YTHDC2: variants seen among roughly 807,000 people sequenced by gnomAD.
The protein encoded by YTHDC2 is YTH N6-methyladenosine RNA binding protein C2, also known as 3'-5' RNA helicase YTHDC2.
A neutral mutation model predicts 174.9 loss-of-function variants in YTHDC2; 45 were observed. The observed-to-expected ratio is 0.26, with a 90% CI of 0.20 to 0.33. YTHDC2 has a LOEUF of 0.33. Ranked by LOEUF, YTHDC2 falls within the 10% of genes least tolerant of loss-of-function variation. The probability of loss-of-function intolerance (pLI) is 1.00; values close to 1 mark genes in which losing one functional copy is unlikely to be tolerated. For missense variants in YTHDC2, 1,650 were observed against 1,723.7 expected (o/e 0.96, Z 0.76); for synonymous variants, 657 against 574.5 (o/e 1.14, Z -2.05).
rs1464814405 is a variant in YTHDC2, at chr5:113,578,843, C to T, written c.3245-743C>T. Among the ~76,000 whole-genome samples the T allele has an allele frequency of 2.0e-5, 3 of 151,980 alleles. No homozygotes were observed. In the East Asian group the frequency reaches 5.8e-4, roughly 29 times the overall value. ...TAAATATATTTGTGTTCTTCTAGTT[C>T]CTCTACTTTCAGTTTTAGTAATTTT... On this transcript the variant is annotated intron_variant, in intron 23 of 29. Transcript: ENST00000161863.
intron 21 of YTHDC2, 113 bp from the exon 22 acceptor site, chr5:113,566,979 T>C: frequency 2.6e-6 from 3 of 1,165,004 alleles, no homozygotes; most frequent in Non-Finnish European, 3.6e-6. Flanking sequence ...CTATTAATTA[T>C]CGTGAAATTT....
At chr5:113,571,824 C>T (rs1475888896) in intron 23 of YTHDC2, among the ~76,000 whole-genome samples, 3 of 152,076 alleles carry the variant, frequency 2.0e-5, no homozygotes, top group African/African-American at 4.8e-5. Context: ...GGTGAGATCC[C>T]TTGTATCATT....
At chr5:113,592,272 AT>A in intron 28 of YTHDC2, 94 bp downstream of exon 28, 1 of 1,267,324 alleles carries the variant, frequency 7.9e-7, no homozygotes, top group Non-Finnish European at 1.1e-6. Context: ...AAGAGTACAA[AT>A]TTTATATTCC....
At chr5:113,550,326 T>G (rs971516251) in intron 12 of YTHDC2, among the ~76,000 whole-genome samples, 1 of 151,756 alleles carries the variant, frequency 6.6e-6, no homozygotes. Context: ...GCTTTATGAA[T>G]CTGTTAGATA....
intron 23 of YTHDC2, among the ~76,000 whole-genome samples, chr5:113,569,043 T>A (rs4588592): frequency 0.31 from 46,463 of 151,934 alleles, 9,331 homozygotes; most frequent in African/African-American, 0.56. Context: ...TTTTTGACTT[T>A]TTAATAATAG....
chr5:113,588,645 CAG>C (rs1397840650), intron 26 of YTHDC2, among the ~76,000 whole-genome samples: 3 of 150,430 alleles, frequency 2.0e-5, no homozygotes, highest in African/African-American at 7.4e-5. Context: ...TTTTTTGAGA[CAG>C]AGTCTCACTC....
intron 23 of YTHDC2, among the ~76,000 whole-genome samples, chr5:113,578,082 T>G (rs1207432152): frequency 6.6e-6 from 1 of 152,184 alleles, no homozygotes; most frequent in Admixed American, 6.5e-5. Flanking sequence ...CTTACTGAAT[T>G]TTAAAGGTTC....
chr5:113,584,294 T>C lies in YTHDC2; in HGVS notation c.3648-8T>C. 1 of 1,602,128 alleles carries C rather than the reference T, an allele frequency of 6.2e-7. No individual in the cohort carries two copies. The highest frequency in any genetic ancestry group is 8.5e-7 in the Non-Finnish European group (1 of 1,174,380). On this transcript the variant is annotated splice_polypyrimidine_tract_variant and splice_region_variant and intron_variant, in intron 25 of 29. Coordinates refer to ENST00000161863, the MANE Select transcript of YTHDC2 (RefSeq NM_022828.5). ...TAACTGATCTTTGCTTCCTCCTTCT[T>C]GCTCAAGAGTACTGATGAAATCTCC...
chr5:113,585,826 G>C (rs1451812797), intron 26 of YTHDC2, among the ~76,000 whole-genome samples: 1 of 151,702 alleles, frequency 6.6e-6, no homozygotes, highest in Non-Finnish European at 1.5e-5. Flanking sequence ...TATATTATTA[G>C]TTTATCTAAT....
intron 12 of YTHDC2, among the ~76,000 whole-genome samples, chr5:113,550,766 T>C (rs1281133115): frequency 3.3e-5 from 5 of 152,158 alleles, no homozygotes; most frequent in African/African-American, 9.6e-5. Flanking sequence ...TATGTATATG[T>C]ATTGCTTTGA....
At chr5:113,518,048 C>A (rs1293550408) in intron 2 of YTHDC2, among the ~76,000 whole-genome samples, 3 of 151,926 alleles carry the variant, frequency 2.0e-5, no homozygotes, top group Non-Finnish European at 4.4e-5. Context: ...ACCACCACGC[C>A]CGGCTAATTT....
At chr5:113,546,403 A>G (rs1412465094) in intron 10 of YTHDC2, among the ~76,000 whole-genome samples, 1 of 152,196 alleles carries the variant, frequency 6.6e-6, no homozygotes, top group Non-Finnish European at 1.5e-5. Flanking sequence ...TGTGAGGAAA[A>G]CTAAAATGTT....
intron 23 of YTHDC2, among the ~76,000 whole-genome samples, chr5:113,571,318 G>A (rs973150125): frequency 3.9e-5 from 6 of 152,194 alleles, no homozygotes; most frequent in African/African-American, 1.4e-4. Context: ...TTGCATCCCA[G>A]GGATGAAGCC....
intron 6 of YTHDC2, 127 bp from the exon 7 acceptor site, chr5:113,535,515 G>T: frequency 1.2e-6 from 1 of 834,226 alleles, no homozygotes; most frequent in Non-Finnish European, 1.7e-6. Context: ...AAATTTTCAT[G>T]AATATTGATT....
At chr5:113,580,802 T>G (rs1448118191) in intron 24 of YTHDC2, among the ~76,000 whole-genome samples, 3 of 152,202 alleles carry the variant, frequency 2.0e-5, no homozygotes, top group Non-Finnish European at 2.9e-5. Flanking sequence ...CCCCAAATTC[T>G]TTGTCACTAG....
At chr5:113,561,031 G>A (rs1432092177) in intron 17 of YTHDC2, 49 bp from the exon 18 acceptor site, 4 of 1,468,390 alleles carry the variant, frequency 2.7e-6, no homozygotes, top group East Asian at 4.7e-5. Context: ...ACAGTTTATT[G>A]TAGCCTTTAT....
At position 113,593,347 on chromosome 5, in the gene YTHDC2, A is replaced by T. The variant is rs1358851595; in HGVS notation, c.4257A>T (p.Glu1419Asp). 4 of 1,612,774 alleles carry T rather than the reference A, an allele frequency of 2.5e-6. No individual in the cohort carries two copies. The highest frequency in any genetic ancestry group is 1.7e-5 in the Admixed American group (1 of 59,946). ...GTGAACAGTTGCTCCAGTTATGGGAACGTCTTCCCTTGGGAGAAAAAAACA... is the reference window on the plus strand; with the variant it reads ...GTGAACAGTTGCTCCAGTTATGGGATCGTCTTCCCTTGGGAGAAAAAAACA... Reference protein sequence around the residue: ...LVGEQLLQLWERLPLGEKNTT... With the variant: ...LVGEQLLQLWDRLPLGEKNTT... Residue 1419 changes from glutamate (E) to aspartate (D), a missense_variant, in exon 29 of 30, where the codon GAA becomes GAT. Glu to Asp is a conservative substitution (Grantham distance 45). Transcript: ENST00000161863.
chr5:113,525,614 A>G (rs1365604112), intron 3 of YTHDC2, among the ~76,000 whole-genome samples: 2 of 152,088 alleles, frequency 1.3e-5, no homozygotes. Flanking sequence ...ACTTTCCTAT[A>G]TTATGCTGCC....
intron 17 of YTHDC2, among the ~76,000 whole-genome samples, chr5:113,556,599 A>G (rs940916143): frequency 1.3e-5 from 2 of 152,206 alleles, no homozygotes; most frequent in African/African-American, 4.8e-5. Context: ...TTAATGAGGT[A>G]TTATTTTTTG....
Sources: allele counts gnomAD v4.1 joint callset (sites outside exome capture counted in the v4.1 genomes callset), GRCh38; gene constraint gnomAD v4.1.1; transcripts MANE v1.5; gene names NCBI Gene and HGNC (gene_info 2026-07-23, HGNC 2026-07-21).